KATNIP: variants seen among roughly 807,000 people sequenced by gnomAD.
KATNIP encodes katanin-interacting protein.
In KATNIP, 126 loss-of-function variants were observed where a neutral mutation model predicts 174.0. The ratio of observed to expected loss-of-function variants is 0.72; its 90% CI spans 0.63 to 0.84. The LOEUF is 0.84. Ranked by LOEUF, KATNIP falls within the 40% of genes least tolerant of loss-of-function variation. The pLI is 0.00. For synonymous variants in KATNIP, 810 were observed against 835.7 expected, an observed-to-expected ratio of 0.97 and a Z score of 0.53; for missense variants, 1,958 against 2,109.7, an observed-to-expected ratio of 0.93 and a Z score of 1.41.
At chr16:27,663,651 G>T (rs2077595998) in intron 6 of KATNIP, among the ~76,000 whole-genome samples, 1 of 149,424 alleles carries the variant, frequency 6.7e-6, no homozygotes, top group Non-Finnish European at 1.5e-5. Flanking sequence ...TAGAGACAGA[G>T]ATTCACCATG....
At chr16:27,564,105 C>CCT (rs948959013) in intron 1 of KATNIP, among the ~76,000 whole-genome samples, 3 of 151,894 alleles carry the variant, frequency 2.0e-5, no homozygotes, top group Non-Finnish European at 4.4e-5. Context: ...GTTGACGGGG[C>CCT]CTGGCTTGGA....
chr16:27,693,414 A>G (rs1201538568), intron 8 of KATNIP, among the ~76,000 whole-genome samples: 1 of 151,944 alleles, frequency 6.6e-6, no homozygotes, highest in African/African-American at 2.4e-5. Flanking sequence ...TTTGAGATGG[A>G]GTCTCGCTCT....
chr16:27,723,299 T>G (rs1364183346), intron 14 of KATNIP, among the ~76,000 whole-genome samples: 3 of 152,154 alleles, frequency 2.0e-5, no homozygotes, highest in Non-Finnish European at 4.4e-5. Flanking sequence ...ATGCCAGGCC[T>G]TGCCTCTCTC....
intron 9 of KATNIP, 28 bp from the exon 10 acceptor site, chr16:27,699,506 A>G (rs369519355): frequency 1.2e-6 from 2 of 1,613,608 alleles, no homozygotes; most frequent in African/African-American, 1.3e-5. Flanking sequence ...TTGTTCCAAC[A>G]TCACATCATG....
intron 6 of KATNIP, 72 bp downstream of exon 6, chr16:27,648,807 G>T (rs1349952719): frequency 7.8e-6 from 12 of 1,529,132 alleles, no homozygotes; most frequent in African/African-American, 1.4e-5. Context: ...GTGGCCCCTC[G>T]GGGCACTTTC....
At chr16:27,624,775 A>G (rs2076286585) in intron 3 of KATNIP, among the ~76,000 whole-genome samples, 1 of 152,144 alleles carries the variant, frequency 6.6e-6, no homozygotes, top group South Asian at 2.1e-4. Context: ...AGCTGTGATC[A>G]CACCACTACA....
At chr16:27,684,316 A>G (rs765667377) in intron 8 of KATNIP, among the ~76,000 whole-genome samples, 1 of 152,204 alleles carries the variant, frequency 6.6e-6, no homozygotes, top group Non-Finnish European at 1.5e-5. Context: ...GGGCTGCAGA[A>G]TCTCTGCTCT....
At chr16:27,708,378 G>A (rs367714641) in intron 12 of KATNIP, 18 of 242,488 alleles carry the variant, frequency 7.4e-5, no homozygotes, top group East Asian at 1.9e-4. Context: ...TCTGGGTACC[G>A]AACACTGAGT....
chr16:27,699,486 G>A, intron 9 of KATNIP, 48 bp from the exon 10 acceptor site: 1 of 1,611,100 alleles, frequency 6.2e-7, no homozygotes, highest in African/African-American at 1.3e-5. Context: ...ACAGCATGGA[G>A]TGAATGGCTT....
At chr16:27,732,953 G>A (rs2080751107) in intron 14 of KATNIP, among the ~76,000 whole-genome samples, 1 of 152,194 alleles carries the variant, frequency 6.6e-6, no homozygotes, top group African/African-American at 2.4e-5. Flanking sequence ...GGCTCCCTGG[G>A]CTGTGCCTGA....
chr16:27,730,861 CT>C (rs1433686765), intron 14 of KATNIP, among the ~76,000 whole-genome samples: 2 of 152,228 alleles, frequency 1.3e-5, no homozygotes. Context: ...GTGTTTACAG[CT>C]TCTGAATTGT....
At chr16:27,554,934 C>T (rs1056512680) in intron 1 of KATNIP, among the ~76,000 whole-genome samples, 10 of 151,734 alleles carry the variant, frequency 6.6e-5, no homozygotes, top group African/African-American at 2.4e-4. Flanking sequence ...GCTGGGATTA[C>T]AGGTGCACGC....
At chr16:27,578,396 C>T (rs759623382) in intron 2 of KATNIP, among the ~76,000 whole-genome samples, 20 of 152,146 alleles carry the variant, frequency 1.3e-4, no homozygotes, top group Non-Finnish European at 2.5e-4. Flanking sequence ...TACCCTGTGC[C>T]TGGCCTCTCT....
At chr16:27,710,563 G>A (rs2079531182) in intron 13 of KATNIP, among the ~76,000 whole-genome samples, 2 of 152,032 alleles carry the variant, frequency 1.3e-5, no homozygotes, top group Admixed American at 6.6e-5. Context: ...TTGTTATTGC[G>A]TGATCATAGC....
At chr16:27,713,654 TA>T (rs2079702264) in intron 13 of KATNIP, among the ~76,000 whole-genome samples, 2 of 149,644 alleles carry the variant, frequency 1.3e-5, no homozygotes, top group African/African-American at 2.4e-5. Context: ...TGTGTGTGTA[TA>T]TATATACACA....
chr16:27,733,256 A>G (rs2080762849), intron 14 of KATNIP, among the ~76,000 whole-genome samples: 1 of 152,144 alleles, frequency 6.6e-6, no homozygotes, highest in Non-Finnish European at 1.5e-5. Flanking sequence ...GCCATTCTAC[A>G]CTGGGGCCAG....
intron 13 of KATNIP, among the ~76,000 whole-genome samples, chr16:27,717,085 G>A (rs1157182762): frequency 2.6e-5 from 4 of 151,938 alleles, no homozygotes; most frequent in African/African-American, 4.8e-5. Context: ...CTCGTGATCC[G>A]CCCACCTCAG....
At chr16:27,607,503 C>T (rs2075745774) in intron 2 of KATNIP, among the ~76,000 whole-genome samples, 1 of 152,102 alleles carries the variant, frequency 6.6e-6, no homozygotes, top group Non-Finnish European at 1.5e-5. Context: ...TAACTCATCC[C>T]TTAGTTAGGG....
intron 7 of KATNIP, among the ~76,000 whole-genome samples, chr16:27,679,588 A>G (rs1046781488): frequency 6.6e-6 from 1 of 151,908 alleles, no homozygotes; most frequent in Non-Finnish European, 1.5e-5. Flanking sequence ...CTCTACAAAA[A>G]AATGTTTTAA....
Sources: allele counts gnomAD v4.1 joint callset (sites outside exome capture counted in the v4.1 genomes callset), GRCh38; gene constraint gnomAD v4.1.1; transcripts MANE v1.5; gene names NCBI Gene and HGNC (gene_info 2026-07-23, HGNC 2026-07-21).